RNF157: variants seen among roughly 807,000 people sequenced by gnomAD.
RNF157 encodes the protein ring finger protein 157.
A neutral mutation model predicts 88.3 loss-of-function variants in RNF157; 55 were observed. The observed-to-expected ratio is 0.62, with a 90% confidence interval of 0.50 to 0.78. The LOEUF (loss-of-function observed/expected upper bound fraction) is 0.78, where lower values mean the gene tolerates loss of function less well. Ranked by LOEUF, RNF157 falls within the 30% of genes least tolerant of loss-of-function variation. The probability of loss-of-function intolerance (pLI) is 0.00; values close to 1 mark genes in which losing one functional copy is unlikely to be tolerated. For missense variants in RNF157, 788 were observed against 860.8 expected, an observed-to-expected ratio of 0.92 and a Z score of 1.06; for synonymous variants, 334 against 341.2, an observed-to-expected ratio of 0.98 and a Z score of 0.23.
At chr17:76,204,376 C>G (rs1300051300) in intron 2 of RNF157, among the ~76,000 whole-genome samples, 1 of 152,218 alleles carries the variant, frequency 6.6e-6, no homozygotes, top group African/African-American at 2.4e-5. Context: ...CTCCAGGGCA[C>G]TCTGGTCCTC....
Position 76,146,195 on chromosome 17 carries a change from TG to T in RNF157, c.1922-843del. On this transcript the variant is annotated intron_variant, in intron 18 of 18. Transcript: ENST00000269391. The surrounding 1 kb of genome is among the most constrained non-coding windows in gnomAD (Gnocchi z 4.2). Reference sequence around the variant, plus strand: ...GACTCCATCTGTAGTCACGCTAACCTGGGCTCCACTCCCAGTTTACAGCAGT... The same window carrying T: ...GACTCCATCTGTAGTCACGCTAACCTGGCTCCACTCCCAGTTTACAGCAGT... The T allele has an allele frequency of 4.2e-6, 1 of 235,586 alleles. No homozygotes were observed. The highest frequency in any genetic ancestry group is 6.9e-6 in the Non-Finnish European group (1 of 144,580). 14.6% of individuals were successfully genotyped at this position (235,586 alleles called of 1,614,324 possible). A position where few individuals can be genotyped will look rare whatever the true frequency, so the allele number is the denominator to read the frequency against.
intron 2 of RNF157, among the ~76,000 whole-genome samples, chr17:76,210,376 G>T (rs56280453): frequency 6.6e-6 from 1 of 151,640 alleles, no homozygotes; most frequent in South Asian, 2.1e-4. Flanking sequence ...GGCGGATCAC[G>T]AGGTCAGATC....
chr17:76,195,379 A>G lies in RNF157; in HGVS notation c.207+16985T>C, dbSNP rs1340169222. Among the ~76,000 whole-genome samples, 2 of 152,228 alleles carry G rather than the reference A, an allele frequency of 1.3e-5. No individual in the cohort carries two copies. The highest frequency in any genetic ancestry group is 2.9e-5 in the Non-Finnish European group (2 of 68,042). On this transcript the variant is annotated intron_variant, in intron 2 of 18. Coordinates refer to ENST00000269391, the MANE Select transcript of RNF157 (RefSeq NM_052916.3). This position sits in a 1 kb window ranked among gnomAD's most constrained non-coding sequence, Gnocchi z 4.4. Reference sequence around the variant, plus strand: ...ATTCTACAAACCTACCACAATGGCTAAGATTAAAAAGATGGAAAATACTAG... The same window carrying G: ...ATTCTACAAACCTACCACAATGGCTGAGATTAAAAAGATGGAAAATACTAG...
intron 16 of RNF157, among the ~76,000 whole-genome samples, chr17:76,154,835 C>T (rs2068737055): frequency 6.6e-6 from 1 of 152,054 alleles, no homozygotes; most frequent in Non-Finnish European, 1.5e-5. Flanking sequence ...AGACTGGGCT[C>T]CTAGATGGGT....
At chr17:76,216,475 G>T (rs980037879) in intron 1 of RNF157, among the ~76,000 whole-genome samples, 2 of 152,198 alleles carry the variant, frequency 1.3e-5, no homozygotes, top group African/African-American at 4.8e-5. Context: ...GTCTGGGTGT[G>T]GTGGCTCACA....
At chr17:76,186,939 CAAAATAAA>C (rs963152942) in intron 2 of RNF157, among the ~76,000 whole-genome samples, 13 of 112,414 alleles carry the variant, frequency 1.2e-4, no homozygotes, top group Admixed American at 1.9e-4. Context: ...GACTCCGACT[CAAAATAAA>C]TAAATAAATA....
chr17:76,217,245 G>A (rs2069904207), intron 1 of RNF157, among the ~76,000 whole-genome samples: 1 of 152,066 alleles, frequency 6.6e-6, no homozygotes, highest in Non-Finnish European at 1.5e-5. Context: ...CCTGGGTCAA[G>A]AGACCTGCCC....
At chr17:76,150,541 C>A (rs1026467447) in intron 18 of RNF157, among the ~76,000 whole-genome samples, 2 of 152,132 alleles carry the variant, frequency 1.3e-5, no homozygotes, top group African/African-American at 2.4e-5. Flanking sequence ...TTGAGGGAGG[C>A]AGGAACCTAA....
intron 6 of RNF157, among the ~76,000 whole-genome samples, chr17:76,166,061 G>A (rs1369123840): frequency 6.6e-6 from 1 of 151,848 alleles, no homozygotes; most frequent in Non-Finnish European, 1.5e-5. Context: ...TGCAACCTCC[G>A]CCTCCCAGGT....
rs151334525 is a variant in RNF157, at chr17:76,146,682, T to C, written c.1922-1329A>G. On this transcript the variant is annotated intron_variant, in intron 18 of 18. Coordinates refer to ENST00000269391, the MANE Select transcript of RNF157 (RefSeq NM_052916.3). The surrounding 1 kb of genome is among the most constrained non-coding windows in gnomAD (Gnocchi z 4.2). ...ACTACTGCTCCACGCACACGTCACATGGCAGAAACCGCTAGGTCCTGGAGC... is the reference window on the plus strand; with the variant it reads ...ACTACTGCTCCACGCACACGTCACACGGCAGAAACCGCTAGGTCCTGGAGC... 6 of 985,484 alleles carry C rather than the reference T, an allele frequency of 6.1e-6. No individual in the cohort carries two copies. In the East Asian group the frequency reaches 6.8e-4, roughly 112 times the overall value. 61.0% of individuals were successfully genotyped at this position (985,484 alleles called of 1,614,324 possible). A position where few individuals can be genotyped will look rare whatever the true frequency, so the allele number is the denominator to read the frequency against.
intron 2 of RNF157, among the ~76,000 whole-genome samples, chr17:76,186,488 C>T (rs1327260434): frequency 1.3e-5 from 2 of 151,878 alleles, no homozygotes; most frequent in East Asian, 1.9e-4. Flanking sequence ...GCCTGAGCAA[C>T]AAGAGTGAGA....
chr17:76,156,968 C>CTT (rs1266740527), intron 13 of RNF157, among the ~76,000 whole-genome samples: 2 of 146,488 alleles, frequency 1.4e-5, no homozygotes, highest in African/African-American at 2.5e-5. Context: ...TTTTTTTTCA[C>CTT]TTTTTTTTTT....
At position 76,164,774 on chromosome 17, in the gene RNF157, C is replaced by T; in HGVS notation, c.694G>A (p.Val232Ile). The T allele has an allele frequency of 1.9e-6, 3 of 1,611,626 alleles. No individual in the cohort carries two copies. Among genetic ancestry groups the T allele is most frequent in the South Asian group, 2.2e-5 (2 of 90,930 alleles). The change falls in exon 8 of 19, where the codon GTC becomes ATC. Residue 232 changes from valine (V) to isoleucine (I), a missense_variant. Val to Ile is a conservative substitution (Grantham distance 29, BLOSUM62 3). Coordinates refer to ENST00000269391, the MANE Select transcript of RNF157 (RefSeq NM_052916.3). ...FEKHTDGTFC[V>I]KPLKQKQVVD... ...ACTTGTTTCTGTTTGAGGGGCTTGACACAGAAAGTTCCATCTGTGTGCTGG... is the reference window on the plus strand; with the variant it reads ...ACTTGTTTCTGTTTGAGGGGCTTGATACAGAAAGTTCCATCTGTGTGCTGG...
chr17:76,164,288 C>T (rs538879631), intron 8 of RNF157: 2 of 152,660 alleles, frequency 1.3e-5, no homozygotes, highest in South Asian at 4.1e-4. Flanking sequence ...GGATGGCTAA[C>T]TTTGAATTTT....
At chr17:76,229,697 G>C (rs1019338287) in intron 1 of RNF157, among the ~76,000 whole-genome samples, 1 of 152,188 alleles carries the variant, frequency 6.6e-6, no homozygotes, top group South Asian at 2.1e-4. Flanking sequence ...CTTAGGGAAG[G>C]CACTATCTTT....
Position 76,159,487 on chromosome 17 carries a change from A to T in RNF157, c.1152T>A (p.Pro384=), listed in dbSNP as rs763392536. The change falls in exon 12 of 19, where the codon CCT becomes CCA. Residue 384 remains proline, a synonymous_variant. Coordinates refer to ENST00000269391, the MANE Select transcript of RNF157 (RefSeq NM_052916.3). ...NGPLTPSPAV[P]PLHVLGDGHL... is the part of the protein sequence containing the mutation. ...GGCCATCTCCAAGCACGTGAAGTGGAGGAACTGCTGGGGACGGGGTGAGGG... is the reference window on the plus strand; with the variant it reads ...GGCCATCTCCAAGCACGTGAAGTGGTGGAACTGCTGGGGACGGGGTGAGGG... The T allele has an allele frequency of 6.2e-7, 1 of 1,609,398 alleles. No individual in the cohort carries two copies. The highest frequency in any genetic ancestry group is 1.7e-5 in the Admixed American group (1 of 59,002).
Position 76,160,265 on chromosome 17 carries a change from T to A in RNF157, c.1066-692A>T, listed in dbSNP as rs779092826. The stretch of plus-strand genomic sequence containing the variant: ...TATTGTAAACAAGTTTTGATGAACA[T>A]CCTTGAATGCCTTTTTTTCAAATTA... On this transcript the variant is annotated intron_variant, in intron 11 of 18. Transcript: ENST00000269391. This position sits in a 1 kb window ranked among gnomAD's most constrained non-coding sequence, Gnocchi z 4.3. Among the ~76,000 whole-genome samples the A allele has an allele frequency of 6.6e-6, 1 of 152,242 alleles. No individual in the cohort carries two copies. The highest frequency in any genetic ancestry group is 1.5e-5 in the Non-Finnish European group (1 of 68,036).
intron 2 of RNF157, among the ~76,000 whole-genome samples, chr17:76,204,397 C>T (rs772936542): frequency 1.3e-5 from 2 of 152,184 alleles, no homozygotes; most frequent in East Asian, 1.9e-4. Flanking sequence ...TCTCGTAGAA[C>T]CTATCACAGT....
At chr17:76,155,775 G>A in intron 14 of RNF157, 41 bp from the exon 15 acceptor site, 4 of 1,473,544 alleles carry the variant, frequency 2.7e-6, no homozygotes, top group South Asian at 2.7e-5. Context: ...TGGAGGTCAG[G>A]CAGGGCTTCT....
Sources: gnomAD v4.1 joint callset for allele counts (sites outside exome capture counted in the v4.1 genomes callset) on GRCh38, gnomAD v4.1.1 for gene constraint, Gnocchi (gnomAD v3.1) non-coding constraint, MANE v1.5 for transcripts, NCBI Gene and HGNC (gene_info 2026-07-23, HGNC 2026-07-21) for gene names.